Variants in GNPTAB observed in about 807,000 individuals in gnomAD.
GNPTAB encodes N-acetylglucosamine-1-phosphate transferase subunits alpha and beta.
GNPTAB carries 92 observed loss-of-function variants against 136.6 expected under a neutral mutation model. That is an observed-to-expected ratio of 0.67 (90% CI 0.57 to 0.80). The LOEUF (loss-of-function observed/expected upper bound fraction) is 0.80. Among genes scored for constraint, GNPTAB ranks in the 30% least tolerant of loss-of-function variants. The pLI is 0.00. For missense variants in GNPTAB, 1,343 were observed against 1,501.8 expected (o/e 0.89, Z 1.75); for synonymous variants, 512 against 535.1 (o/e 0.96, Z 0.60).
chr12:101,757,060 A>G (rs1396481209), intron 18 of GNPTAB, 152 bp downstream of exon 18: 5 of 591,538 alleles, frequency 8.5e-6, no homozygotes, highest in Non-Finnish European at 1.5e-5. Context: ...TCAACTTGCA[A>G]CTCCTATCTC....
chr12:101,830,542 G>C lies in GNPTAB; in HGVS notation c.117+17C>G. 1 of 1,512,296 alleles carries C rather than the reference G, an allele frequency of 6.6e-7. No homozygotes were observed. The highest frequency in any genetic ancestry group is 9.2e-7 in the Non-Finnish European group (1 of 1,090,386). The allele number at this position is 1,512,296 out of a possible 1,614,324, so 93.7% of individuals were successfully genotyped here. A position where few individuals can be genotyped will look rare whatever the true frequency, so the allele number is the denominator to read the frequency against. ...AGGGTCGAGGCGCCCGGTCCAGGCT[G>C]CGGCGCCGCTACTCACCTCTCCGAA... On this transcript the variant is annotated intron_variant, in intron 1 of 20. Coordinates refer to ENST00000299314, the MANE Select transcript of GNPTAB (RefSeq NM_024312.5).
chr12:101,815,595 C>A (rs1870474960), intron 1 of GNPTAB, among the ~76,000 whole-genome samples: 1 of 148,250 alleles, frequency 6.7e-6, no homozygotes, highest in Non-Finnish European at 1.5e-5. Context: ...TGCACTCCAG[C>A]CTGGACAACA....
Position 101,749,174 on chromosome 12 carries a change from T to C in GNPTAB, c.3620A>G (p.Lys1207Arg). 6.2e-7 allele frequency: 1 copy of C among 1,609,840 alleles called. No individual in the cohort carries two copies. The highest frequency in any genetic ancestry group is 8.5e-7 in the Non-Finnish European group (1 of 1,176,236). Reference sequence around the variant, plus strand: ...TACACAATGGGTCCAAAACTTCAATTTGTCTCGATAAGCCCTCCTGTGCAG... The same window carrying C: ...TACACAATGGGTCCAAAACTTCAATCTGTCTCGATAAGCCCTCCTGTGCAG... ...ELQEWRAYRD[K>R]LKFWTHCVLA... Residue 1207 changes from lysine (K) to arginine (R), a missense_variant, in exon 20 of 21, where the codon AAA becomes AGA. Transcript: ENST00000299314.
chr12:101,770,158 A>C lies in GNPTAB; in HGVS notation c.1147T>G (p.Phe383Val). 1 of 1,614,200 alleles carries C rather than the reference A, an allele frequency of 6.2e-7. No individual in the cohort carries two copies. Among genetic ancestry groups the C allele is most frequent in the Non-Finnish European group, 8.5e-7 (1 of 1,180,012 alleles). The stretch of plus-strand genomic sequence containing the variant: ...TGACTTTCAATAGCAGGTGAACTAA[A>C]GGTAGGCAAGTGGCTCAAATTTCGA... ...VFRNLSHLPT[F>V]SSPAIESHIH... The change falls in exon 10 of 21, where the codon TTT (phenylalanine) becomes GTT (valine). Residue 383 changes from phenylalanine (F) to valine (V), a missense_variant. Physicochemically the swap from Phe to Val is conservative, Grantham distance 50. Transcript: ENST00000299314.
At chr12:101,758,185 C>A (rs1281578948) in intron 16 of GNPTAB, among the ~76,000 whole-genome samples, 1 of 152,092 alleles carries the variant, frequency 6.6e-6, no homozygotes, top group African/African-American at 2.4e-5. Context: ...ATTACAGGAA[C>A]CCGCCACCAC....
intron 19 of GNPTAB, among the ~76,000 whole-genome samples, chr12:101,749,912 A>G (rs1218578192): frequency 6.6e-6 from 1 of 152,182 alleles, no homozygotes; most frequent in African/African-American, 2.4e-5. Flanking sequence ...TGGACAGAAC[A>G]CTCTAGTGGG....
intron 2 of GNPTAB, chr12:101,796,178 C>T: frequency 1.4e-6 from 1 of 700,036 alleles, no homozygotes; most frequent in South Asian, 1.5e-5. Context: ...CAACAGAATT[C>T]CGGCCAGGGC....
At position 101,810,424 on chromosome 12, in the gene GNPTAB, CACACACAT is replaced by C. The variant is rs1295759266; in HGVS notation, c.118-13670_118-13663del. On this transcript the variant is annotated intron_variant, in intron 1 of 20. Transcript: ENST00000299314. ...ATATATATATATATATATATATATA[CACACACAT>C]ACACACACACACACACACACACACA... The C allele has an allele frequency of 1.9e-3, 208 of 109,064 alleles. 2 individuals are homozygous for C. Among genetic ancestry groups the C allele is most frequent in the African/African-American group, 6.9e-3 (175 of 25,378 alleles). The allele number at this position is 109,064 out of a possible 1,614,324, so 6.8% of individuals were successfully genotyped here.
chr12:101,765,304 T>A lies in GNPTAB; in HGVS notation c.1613A>T (p.Asp538Val), dbSNP rs755857665. The A allele has an allele frequency of 8.8e-6, 14 of 1,595,984 alleles. No homozygotes were observed. The highest frequency in any genetic ancestry group is 1.2e-5 in the Non-Finnish European group (14 of 1,164,052). ...CACTTTATACAATTCATGAAAATGA[T>A]CTAGAGGAAAAAACAGAAACATGAT... Reference protein sequence around the residue: ...CGFDAGDCGQDHFHELYKVIL... With the variant: ...CGFDAGDCGQVHFHELYKVIL... The change falls in exon 13 of 21, where the codon GAT (aspartate) becomes GTT (valine). Residue 538 changes from aspartate to valine, a missense_variant and splice_region_variant. Transcript: ENST00000299314.
chr12:101,786,291 C>A (rs1048279580), intron 4 of GNPTAB, 74 bp from the exon 5 acceptor site: 26 of 1,218,678 alleles, frequency 2.1e-5, no homozygotes, highest in Non-Finnish European at 3.1e-5. Context: ...TGTCATACTA[C>A]TAAATTTTTC....
chr12:101,803,163 C>T (rs1378577383), intron 1 of GNPTAB, among the ~76,000 whole-genome samples: 1 of 152,096 alleles, frequency 6.6e-6, no homozygotes, highest in Non-Finnish European at 1.5e-5. Context: ...AATCAAGGTC[C>T]CTCTAACCTT....
intron 1 of GNPTAB, among the ~76,000 whole-genome samples, chr12:101,816,894 G>A (rs1013514130): frequency 6.6e-5 from 10 of 152,276 alleles, no homozygotes; most frequent in South Asian, 4.1e-4. Context: ...AATTTGCAGC[G>A]CATGGATGGA....
chr12:101,798,907 T>C (rs1869453459), intron 1 of GNPTAB, among the ~76,000 whole-genome samples: 1 of 152,214 alleles, frequency 6.6e-6, no homozygotes, highest in Non-Finnish European at 1.5e-5. Context: ...CTAGTGCCGA[T>C]GGAAGTGCTC....
At chr12:101,821,911 C>T (rs1038894659) in intron 1 of GNPTAB, among the ~76,000 whole-genome samples, 19 of 152,138 alleles carry the variant, frequency 1.2e-4, no homozygotes, top group Non-Finnish European at 2.9e-5. Flanking sequence ...AAAGAACCAG[C>T]AGAAGGTCAC....
chr12:101,802,069 A>G (rs941423824), intron 1 of GNPTAB, among the ~76,000 whole-genome samples: 3 of 151,574 alleles, frequency 2.0e-5, no homozygotes, highest in African/African-American at 7.3e-5. Flanking sequence ...GGCATGGTGC[A>G]TGCCTGTAGT....
chr12:101,828,183 C>T (rs1196372194), intron 1 of GNPTAB, among the ~76,000 whole-genome samples: 1 of 152,138 alleles, frequency 6.6e-6, no homozygotes, highest in Non-Finnish European at 1.5e-5. Context: ...TAATGAGGGT[C>T]TGTTATGTAG....
At chr12:101,769,507 A>T (rs780882048) in intron 10 of GNPTAB, among the ~76,000 whole-genome samples, 1 of 152,204 alleles carries the variant, frequency 6.6e-6, no homozygotes, top group Non-Finnish European at 1.5e-5. Context: ...GCAGGAAAGC[A>T]AATTTCTAAC....
chr12:101,824,432 A>ATATATATATT (rs1188582277), intron 1 of GNPTAB, among the ~76,000 whole-genome samples: 3 of 50,882 alleles, frequency 5.9e-5, no homozygotes, highest in African/African-American at 8.5e-5. Flanking sequence ...ATATATATAT[A>ATATATATATT]TTTTCTTTTT....
Position 101,761,616 on chromosome 12 carries a change from C to T in GNPTAB, c.2863G>A (p.Ala955Thr). ...CGGTCAATCATGTGAGGCATGTGAG[C>T]AGGGACTTTCCGCGATGTGAATCCA... The part of the protein sequence containing the change: ...KFGFTSRKVP[A>T]HMPHMIDRIV... The change falls in exon 14 of 21, where the codon GCT becomes ACT. Residue 955 changes from alanine to threonine, a missense_variant. By Grantham distance (58) the Ala-to-Thr change is moderately conservative. Coordinates refer to ENST00000299314, the MANE Select transcript of GNPTAB (RefSeq NM_024312.5). 1 of 1,614,158 alleles carries T rather than the reference C, an allele frequency of 6.2e-7. No individual in the cohort carries two copies. Among genetic ancestry groups the T allele is most frequent in the Non-Finnish European group, 8.5e-7 (1 of 1,180,004 alleles).
Sources: allele counts gnomAD v4.1 joint callset (sites outside exome capture counted in the v4.1 genomes callset), GRCh38; gene constraint gnomAD v4.1.1; transcripts MANE v1.5; gene names NCBI Gene and HGNC (gene_info 2026-07-23, HGNC 2026-07-21).